MACROD2: variants seen among roughly 807,000 people sequenced by gnomAD.
MACROD2 encodes the protein ADP-ribose glycohydrolase MACROD2.
Under a neutral mutation model 70.4 loss-of-function variants are expected in MACROD2, and 36 were observed. The ratio of observed to expected loss-of-function variants is 0.51; its 90% CI spans 0.39 to 0.68. The LOEUF is 0.68. MACROD2 is among the 30% of genes least tolerant of loss of function. The pLI is 0.00. For synonymous variants in MACROD2, 172 were observed against 178.8 expected (o/e 0.96, Z 0.30); for missense variants, 496 against 538.4 (o/e 0.92, Z 0.78).
chr20:15,205,579 G>A (rs1335610713), intron 5 of MACROD2, among the ~76,000 whole-genome samples: 2 of 147,288 alleles, frequency 1.4e-5, no homozygotes, highest in Non-Finnish European at 3.1e-5. Context: ...TTACTTCAAA[G>A]AAAGAAGAGA....
intron 3 of MACROD2, among the ~76,000 whole-genome samples, chr20:14,389,421 C>CA (rs4052956): frequency 0.14 from 12,439 of 89,986 alleles, 1,393 homozygotes; most frequent in African/African-American, 0.23. Context: ...GACTTGGTCT[C>CA]AAAAAAAAAA....
chr20:14,645,072 G>C (rs1985311780), intron 4 of MACROD2, among the ~76,000 whole-genome samples: 1 of 152,082 alleles, frequency 6.6e-6, no homozygotes, highest in African/African-American at 2.4e-5. Flanking sequence ...GTGATAAATA[G>C]CTTTATTTAA....
intron 5 of MACROD2, among the ~76,000 whole-genome samples, chr20:14,984,220 C>G (rs910167841): frequency 3.9e-5 from 6 of 152,166 alleles, no homozygotes; most frequent in Non-Finnish European, 5.9e-5. Context: ...AATCTAATTT[C>G]ATATTGGTTA....
chr20:14,557,388 A>T (rs1448929445), intron 4 of MACROD2, among the ~76,000 whole-genome samples: 1 of 151,926 alleles, frequency 6.6e-6, no homozygotes, highest in African/African-American at 2.4e-5. Flanking sequence ...ACTTTATCTA[A>T]ATTGAAACTT....
intron 6 of MACROD2, among the ~76,000 whole-genome samples, chr20:15,237,530 G>A (rs549336075): frequency 3.0e-4 from 45 of 152,000 alleles, no homozygotes; most frequent in Admixed American, 2.6e-3. Flanking sequence ...TTAAATTGAT[G>A]TGTTGTTTTC....
At chr20:15,860,388 G>A (rs947494027) in intron 8 of MACROD2, among the ~76,000 whole-genome samples, 18 of 151,964 alleles carry the variant, frequency 1.2e-4, no homozygotes, top group African/African-American at 3.4e-4. Flanking sequence ...TTTTTTGATC[G>A]GTTGGTTGAC....
chr20:15,595,513 A>G (rs1410994905), intron 8 of MACROD2, among the ~76,000 whole-genome samples: 2 of 152,230 alleles, frequency 1.3e-5, no homozygotes, highest in Non-Finnish European at 2.9e-5. Context: ...TATAAAAAAT[A>G]CTTAATCTAA....
intron 8 of MACROD2, among the ~76,000 whole-genome samples, chr20:15,814,355 T>C (rs1174765912): frequency 6.6e-6 from 1 of 152,158 alleles, no homozygotes; most frequent in African/African-American, 2.4e-5. Context: ...TTTCCCTCAA[T>C]CAGTGATTCT....
intron 7 of MACROD2, among the ~76,000 whole-genome samples, chr20:15,463,227 T>C (rs2046841968): frequency 6.6e-6 from 1 of 152,170 alleles, no homozygotes; most frequent in Admixed American, 6.5e-5. Flanking sequence ...AATGACCGCC[T>C]GAAGAGGTGT....
At chr20:15,487,183 G>A (rs1308860833) in intron 7 of MACROD2, among the ~76,000 whole-genome samples, 3 of 152,156 alleles carry the variant, frequency 2.0e-5, no homozygotes, top group South Asian at 2.1e-4. Flanking sequence ...TCCACCCAGG[G>A]TGGCAGGCTC....
chr20:15,528,727 T>G (rs1322760439), intron 8 of MACROD2, among the ~76,000 whole-genome samples: 1 of 140,838 alleles, frequency 7.1e-6, no homozygotes, highest in Non-Finnish European at 1.5e-5. Context: ...TTATGTGGTT[T>G]TTTTTTTTTT....
intron 4 of MACROD2, among the ~76,000 whole-genome samples, chr20:14,532,864 T>C (rs1382530571): frequency 6.6e-6 from 1 of 152,198 alleles, no homozygotes; most frequent in South Asian, 2.1e-4. Flanking sequence ...GCCTTTGTAG[T>C]AGAAATTATG....
chr20:14,844,175 T>C (rs2073115246), intron 5 of MACROD2, among the ~76,000 whole-genome samples: 1 of 152,100 alleles, frequency 6.6e-6, no homozygotes, highest in Non-Finnish European at 1.5e-5. Flanking sequence ...CAACATTCCA[T>C]ATTCTCTTCA....
intron 5 of MACROD2, chr20:14,892,765 G>C (rs2073778476): frequency 6.6e-6 from 1 of 152,076 alleles, no homozygotes; most frequent in Non-Finnish European, 1.5e-5. Flanking sequence ...TGCAGCCTCT[G>C]CCTCCTGGGC....
chr20:15,754,428 G>A (rs1437315766), intron 8 of MACROD2, among the ~76,000 whole-genome samples: 3 of 152,124 alleles, frequency 2.0e-5, no homozygotes, highest in Admixed American at 6.5e-5. Flanking sequence ...TTCAAGACCA[G>A]CCTGGCCAAC....
chr20:14,973,689 A>G (rs1350334248), intron 5 of MACROD2, among the ~76,000 whole-genome samples: 1 of 152,174 alleles, frequency 6.6e-6, no homozygotes, highest in African/African-American at 2.4e-5. Flanking sequence ...TTCACTTACT[A>G]TGAAGGAAGG....
rs150710049 is a variant in MACROD2 at position 14,714,596 on chromosome 20, A to G, written c.418+29637A>G. 1.9e-4 allele frequency among the ~76,000 whole-genome samples: 29 copies of G among 152,176 alleles called. No individual in the cohort carries two copies. In the East Asian group the frequency reaches 5.2e-3, roughly 27 times the overall value. On this transcript the variant is annotated intron_variant, in intron 5 of 17. Transcript: ENST00000684519. ...CCCTGCTCACTCTTGTTTTCTAGGC[A>G]TGGTGGTCTTTTTAAAAACTGTGTC... is the stretch of plus-strand genomic sequence containing the variant.
chr20:15,596,419 C>T (rs1360394582), intron 8 of MACROD2, among the ~76,000 whole-genome samples: 3 of 152,198 alleles, frequency 2.0e-5, no homozygotes, highest in Admixed American at 1.3e-4. Context: ...AGTCATGGCA[C>T]TTGGCAGCCT....
chr20:16,041,140 T>C (rs1289309033), intron 15 of MACROD2, 61 bp from the exon 16 acceptor site: 2 of 1,376,796 alleles, frequency 1.5e-6, no homozygotes, highest in Non-Finnish European at 2.0e-6. Flanking sequence ...ACAGAAATGA[T>C]TGGCCCTCAG....
Sources: gnomAD v4.1 joint callset for allele counts (sites outside exome capture counted in the v4.1 genomes callset) on GRCh38, gnomAD v4.1.1 for gene constraint, MANE v1.5 for transcripts, NCBI Gene and HGNC (gene_info 2026-07-23, HGNC 2026-07-21) for gene names.